NBDY: variants seen among roughly 807,000 people sequenced by gnomAD.
The protein encoded by NBDY is P-body dissociating protein.
intron 2 of NBDY, among the ~76,000 whole-genome samples, chrX:56,790,424 G>A (rs2069755870): frequency 9.0e-6 from 1 of 111,457 alleles, no homozygotes; most frequent in Admixed American, 9.5e-5. Flanking sequence ...CTCGTGTGTG[G>A]GCCTCTACTC....
In NBDY at chrX:56,744,671, A is replaced by G. The variant is rs191893554; in HGVS notation, c.*166+12472A>G. Among the ~76,000 whole-genome samples the G allele has an allele frequency of 4.3e-4, 48 of 111,615 alleles. No homozygotes were observed. The East Asian group carries it at 0.013, about 30-fold the overall frequency. ...GAATTTAAACTCTACAGAAAAGTCA[A>G]AAGATATCTTTCATGTATTGTAGTG... On this transcript the variant is annotated intron_variant, in intron 2 of 2. Transcript: ENST00000374922.
intron 2 of NBDY, among the ~76,000 whole-genome samples, chrX:56,754,131 A>T (rs2069598818): frequency 9.0e-6 from 1 of 111,719 alleles, no homozygotes; most frequent in Non-Finnish European, 1.9e-5. Flanking sequence ...TATAATGAAT[A>T]GTTCGAAGGA....
At chrX:56,763,351 G>C (rs2069648151) in intron 2 of NBDY, among the ~76,000 whole-genome samples, 1 of 111,947 alleles carries the variant, frequency 8.9e-6, no homozygotes, top group Non-Finnish European at 1.9e-5. Flanking sequence ...ACCCAGGACA[G>C]CCTGAGCAGA....
intron 2 of NBDY, among the ~76,000 whole-genome samples, chrX:56,755,586 A>G (rs1359790682): frequency 3.6e-5 from 4 of 112,090 alleles, no homozygotes; most frequent in Non-Finnish European, 7.5e-5. Flanking sequence ...CAAAACCACA[A>G]TGAGATACCG....
At position 56,752,107 on chromosome X, in the gene NBDY, A is replaced by G. The variant is rs147807554; in HGVS notation, c.*166+19908A>G. 2.4e-4 allele frequency among the ~76,000 whole-genome samples: 27 copies of G among 112,366 alleles called. No individual in the cohort carries two copies. The East Asian group carries it at 7.5e-3, about 31-fold the overall frequency. Reference sequence around the variant, plus strand: ...ATTTTCTTCATCCAGTCTACCACTAATGGGCACCTAGGTTGATTTAATGTC... The same window carrying G: ...ATTTTCTTCATCCAGTCTACCACTAGTGGGCACCTAGGTTGATTTAATGTC... On this transcript the variant is annotated intron_variant, in intron 2 of 2. Transcript: ENST00000374922.
At chrX:56,811,847 C>A (rs1366855528) in intron 2 of NBDY, among the ~76,000 whole-genome samples, 3 of 111,848 alleles carry the variant, frequency 2.7e-5, no homozygotes, top group Non-Finnish European at 3.8e-5. Context: ...TCTGCCCAAA[C>A]GGCCACCCAG....
At chrX:56,786,745 C>T (rs1213436154) in intron 2 of NBDY, among the ~76,000 whole-genome samples, 6 of 109,931 alleles carry the variant, frequency 5.5e-5, no homozygotes, top group Non-Finnish European at 9.5e-5. Context: ...CCTTCACTGT[C>T]GGATCTGGGC....
At position 56,782,982 on chromosome X, in the gene NBDY, GACAC is replaced by G. The variant is rs764680468; in HGVS notation, c.*167-34324_*167-34321del. Among the ~76,000 whole-genome samples the G allele has an allele frequency of 7.2e-5, 8 of 110,911 alleles. No individual in the cohort carries two copies. The East Asian group carries it at 1.7e-3, about 23-fold the overall frequency. ...GCGGACACACACACAGATACACACA[GACAC>G]ACACACACACACAGAAGTAAGCTCA... On this transcript the variant is annotated intron_variant, in intron 2 of 2. Transcript: ENST00000374922.
At chrX:56,794,708 G>A (rs955414970) in intron 2 of NBDY, among the ~76,000 whole-genome samples, 28 of 111,929 alleles carry the variant, frequency 2.5e-4, no homozygotes, top group African/African-American at 5.9e-4. Context: ...GGCCCCTGCC[G>A]ATTCCTCTAT....
At chrX:56,739,284 T>TTA (rs58094616) in intron 2 of NBDY, among the ~76,000 whole-genome samples, 754 of 74,842 alleles carry the variant, frequency 0.01, 7 homozygotes, top group Non-Finnish European at 0.015. Context: ...ATATATATTT[T>TTA]TATATATATA....
chrX:56,747,702 G>T (rs933232866), intron 2 of NBDY, among the ~76,000 whole-genome samples: 1 of 111,627 alleles, frequency 9.0e-6, no homozygotes, highest in African/African-American at 3.3e-5. Context: ...CCATGTGGAG[G>T]ATAGTATAGT....
At chrX:56,735,967 G>C (rs1364674148) in intron 2 of NBDY, among the ~76,000 whole-genome samples, 2 of 110,628 alleles carry the variant, frequency 1.8e-5, no homozygotes, top group East Asian at 5.6e-4. Flanking sequence ...AAAAAATGGG[G>C]GGTGGTTCCT....
At chrX:56,749,965 T>C (rs1022640233) in intron 2 of NBDY, among the ~76,000 whole-genome samples, 1 of 111,904 alleles carries the variant, frequency 8.9e-6, no homozygotes, top group South Asian at 3.7e-4. Flanking sequence ...ATTTACGTCT[T>C]AAAATACATT....
chrX:56,745,713 A>G (rs1435635125), intron 2 of NBDY, among the ~76,000 whole-genome samples: 2 of 110,697 alleles, frequency 1.8e-5, no homozygotes, highest in Non-Finnish European at 3.8e-5. Context: ...GTCTTTTTAA[A>G]TCTAGAATAG....
intron 2 of NBDY, among the ~76,000 whole-genome samples, chrX:56,766,938 T>C (rs1012420278): frequency 4.4e-5 from 5 of 112,520 alleles, no homozygotes; most frequent in Non-Finnish European, 9.4e-5. Context: ...ATGTCCCCGC[T>C]GAGGGAGACT....
intron 2 of NBDY, among the ~76,000 whole-genome samples, chrX:56,762,872 G>C (rs2069645031): frequency 9.0e-6 from 1 of 111,272 alleles, no homozygotes; most frequent in Non-Finnish European, 1.9e-5. Context: ...CGCACACAGA[G>C]ACACATGCAG....
chrX:56,784,691 T>A (rs1219267485), intron 2 of NBDY, among the ~76,000 whole-genome samples: 1 of 111,153 alleles, frequency 9.0e-6, no homozygotes, highest in African/African-American at 3.3e-5. Context: ...AACTGTGCCT[T>A]GGTTTGATAC....
chrX:56,818,470 T>A lies in NBDY; in HGVS notation c.*1317T>A, dbSNP rs1206833508. 1.8e-5 allele frequency: 2 copies of A among 111,979 alleles called. No homozygotes were observed. The highest frequency in any genetic ancestry group is 3.8e-5 in the Non-Finnish European group (2 of 53,173). 9.2% of individuals were successfully genotyped at this position (111,979 alleles called of 1,213,427 possible). On this transcript the variant is annotated 3_prime_UTR_variant, in exon 3 of 3. Coordinates refer to ENST00000374922, the MANE Select transcript of NBDY (RefSeq NM_001348129.2). The stretch of plus-strand genomic sequence containing the variant: ...CAGTTATTTTAAAGATTGTATAATA[T>A]TACTAATCACACATTAGAGTTTTAA...
intron 2 of NBDY, among the ~76,000 whole-genome samples, chrX:56,782,802 T>A (rs746054733): frequency 9.0e-6 from 1 of 111,415 alleles, no homozygotes; most frequent in African/African-American, 3.3e-5. Flanking sequence ...ATTTGCCCAC[T>A]CTCACTCACA....
Sources: allele counts gnomAD v4.1 joint callset (sites outside exome capture counted in the v4.1 genomes callset), GRCh38; gene constraint gnomAD v4.1.1; transcripts MANE v1.5; gene names NCBI Gene and HGNC (gene_info 2026-07-23, HGNC 2026-07-21).